DNAH2: variants seen among roughly 807,000 people sequenced by gnomAD.
DNAH2 encodes dynein axonemal heavy chain 2.
DNAH2 carries 323 observed loss-of-function variants against 523.5 expected under a neutral mutation model. The ratio of observed to expected loss-of-function variants is 0.62; its 90% CI spans 0.56 to 0.68. The LOEUF (loss-of-function observed/expected upper bound fraction) is 0.68. Among genes scored for constraint, DNAH2 ranks in the 30% least tolerant of loss-of-function variants. The pLI is 0.00. For missense variants in DNAH2, 4,907 were observed against 5,701.5 expected (o/e 0.86, Z 4.49); for synonymous variants, 2,093 against 2,177.4 (o/e 0.96, Z 1.08).
chr17:7,826,088 C>A (rs1341655604), intron 77 of DNAH2, among the ~76,000 whole-genome samples: 2 of 152,240 alleles, frequency 1.3e-5, no homozygotes, highest in Non-Finnish European at 2.9e-5. Flanking sequence ...TGCGCTGTTA[C>A]ACTGCAGCCT....
intron 57 of DNAH2, 50 bp downstream of exon 57, chr17:7,801,760 C>T: frequency 6.2e-7 from 1 of 1,611,820 alleles, no homozygotes; most frequent in Non-Finnish European, 8.5e-7. Flanking sequence ...TCCCTCTCCC[C>T]CGCCTCTCAT....
chr17:7,829,464 C>T (rs2078108652), intron 77 of DNAH2, among the ~76,000 whole-genome samples: 1 of 152,170 alleles, frequency 6.6e-6, no homozygotes, highest in South Asian at 2.1e-4. Context: ...GAAAGTAAGA[C>T]TCTCCTCTCA....
chr17:7,741,293 TCTTCCTTCCTTC>T (rs770097953), intron 11 of DNAH2, among the ~76,000 whole-genome samples: 1 of 61,550 alleles, frequency 1.6e-5, no homozygotes, highest in African/African-American at 7.7e-5. Context: ...TTTCTTTCTT[TCTTCCTTCCTTC>T]CCTCCCTCCC....
At chr17:7,802,451 C>T (rs1471672105) in intron 58 of DNAH2, among the ~76,000 whole-genome samples, 6 of 152,274 alleles carry the variant, frequency 3.9e-5, no homozygotes, top group African/African-American at 1.4e-4. Flanking sequence ...CCCACGGATA[C>T]CAAAATCCAC....
At position 7,804,302 on chromosome 17, in the gene DNAH2, C is replaced by G; in HGVS notation, c.9019C>G (p.Leu3007Val). 1 of 1,614,186 alleles carries G rather than the reference C, an allele frequency of 6.2e-7. No homozygotes were observed. The highest frequency in any genetic ancestry group is 2.2e-5 in the East Asian group (1 of 44,876). Residue 3007 changes from leucine to valine, a missense_variant, in exon 59 of 86, where the codon CTG becomes GTG. By Grantham distance (32) the Leu-to-Val change is conservative (BLOSUM62 1). Transcript: ENST00000572933. ...RQELLAQANK[L>V]RTGLFKIDET... ...GGAGCTGCTGGCCCAAGCCAATAAA[C>G]TGCGGACAGGCTTGTTCAAGATCGA... is the stretch of plus-strand genomic sequence containing the variant.
intron 7 of DNAH2, among the ~76,000 whole-genome samples, chr17:7,735,587 C>T (rs1383609211): frequency 1.3e-5 from 2 of 151,546 alleles, no homozygotes; most frequent in Non-Finnish European, 1.5e-5. Context: ...TACAGGTGTG[C>T]ACCAGCATGC....
rs1303990851 is a variant in DNAH2, at chr17:7,818,311, G to C, written c.10388-1G>C. ...TGCCCCTGACCCTTCCGTGGATGCA[G>C]GTGGTCGGCTGTTGATGCGCATTGG... is the stretch of plus-strand genomic sequence containing the variant. On this transcript the variant is annotated splice_acceptor_variant, in intron 68 of 85. Transcript: ENST00000572933. LOFTEE classifies it high-confidence loss of function. The C allele has an allele frequency of 1.2e-6, 2 of 1,613,926 alleles. No individual in the cohort carries two copies.
chr17:7,774,694 G>A (rs1372650560), intron 28 of DNAH2, 65 bp from the exon 29 acceptor site: 4 of 1,436,564 alleles, frequency 2.8e-6, no homozygotes, highest in African/African-American at 1.4e-5. Flanking sequence ...CACAGAGTTG[G>A]GGCATCCAGA....
chr17:7,778,772 T>G (rs577763050), intron 35 of DNAH2, among the ~76,000 whole-genome samples: 1 of 152,032 alleles, frequency 6.6e-6, no homozygotes, highest in East Asian at 1.9e-4. Context: ...TTTCACCATC[T>G]TGGCCAGGCT....
rs755276762 is a variant in DNAH2 at position 7,771,366 on chromosome 17, C to T, written c.4399C>T (p.Pro1467Ser). The T allele has an allele frequency of 3.6e-5, 58 of 1,614,000 alleles. No homozygotes were observed. Among genetic ancestry groups the T allele is most frequent in the Non-Finnish European group, 4.7e-5 (55 of 1,180,040 alleles). ...AGGAGAAGACATCCGCAAGCAGCTGCCCAATGAATCGACCTTATTTGACCA... is the reference window on the plus strand; with the variant it reads ...AGGAGAAGACATCCGCAAGCAGCTGTCCAATGAATCGACCTTATTTGACCA... The part of the protein sequence containing the change: ...FLGEDIRKQL[P>S]NESTLFDQVN... Residue 1467 changes from proline to serine, a missense_variant, in exon 28 of 86, where the codon CCC (proline) becomes TCC (serine). This residue lies in a region of DNAH2 where 2,806 missense variants were observed against 3,190.8 expected (regional missense o/e 0.88). Coordinates refer to ENST00000572933, the MANE Select transcript of DNAH2 (RefSeq NM_020877.5).
rs952326581 is a variant in DNAH2, at chr17:7,740,068, G to GA, written c.1376+130_1376+131insA. 9 of 775,358 alleles carry GA rather than the reference G, an allele frequency of 1.2e-5. 1 individual carries two copies. Among genetic ancestry groups the GA allele is most frequent in the East Asian group, 4.5e-5 (1 of 22,348 alleles). 48.0% of individuals were successfully genotyped at this position (775,358 alleles called of 1,614,324 possible). On this transcript the variant is annotated intron_variant, in intron 9 of 85. Transcript: ENST00000572933. ...AGATCGGGATCAGGGCGGTGGCCCG[G>GA]GGGGGGGGACAGGAGAGAGTGCAGG...
chr17:7,768,356 T>C, intron 24 of DNAH2, 89 bp downstream of exon 24: 1 of 1,273,788 alleles, frequency 7.9e-7, no homozygotes, highest in Non-Finnish European at 1.1e-6. Flanking sequence ...CTCCGCAGTG[T>C]TCACAGCCCT....
At position 7,758,874 on chromosome 17, in the gene DNAH2, C is replaced by T. The variant is rs2075921661; in HGVS notation, c.2209-11C>T. On this transcript the variant is annotated splice_polypyrimidine_tract_variant and intron_variant, in intron 14 of 85. Coordinates refer to ENST00000572933, the MANE Select transcript of DNAH2 (RefSeq NM_020877.5). ...GAGCTGAAACTCCCCCATGACGGGG[C>T]CTGACTCTAGGTGCAGATGATTGTG... The T allele has an allele frequency of 6.2e-7, 1 of 1,612,802 alleles. No individual in the cohort carries two copies. Among genetic ancestry groups the T allele is most frequent in the African/African-American group, 1.3e-5 (1 of 74,936 alleles).
Position 7,757,231 on chromosome 17 carries a change from A to T in DNAH2, c.2045A>T (p.Tyr682Phe). 6.2e-7 allele frequency: 1 copy of T among 1,614,090 alleles called. No homozygotes were observed. Among genetic ancestry groups the T allele is most frequent in the East Asian group, 2.2e-5 (1 of 44,866 alleles). Residue 682 changes from tyrosine (Y) to phenylalanine (F), a missense_variant, in exon 13 of 86, where the codon TAC becomes TTC. Tyr to Phe is a conservative substitution (Grantham distance 22, BLOSUM62 3). Transcript: ENST00000572933. ...AATCTGCTACTCGTTGCTAGAGACT[A>T]CAATAGGTAGGGCTTCAGTCCTCAC... ...RENLLLVARD[Y>F]NRIIAMLSPD... is the part of the protein sequence containing the mutation.
chr17:7,727,172 G>A lies in DNAH2; in HGVS notation c.279G>A (p.Val93=). 6.2e-7 allele frequency: 1 copy of A among 1,604,780 alleles called. No homozygotes were observed. The highest frequency in any genetic ancestry group is 8.5e-7 in the Non-Finnish European group (1 of 1,176,628). ...CGCTGACAGGACTGGCGGATGCAGT[G>A]TGGACACAGGAGCATGATGCCATTC... ...RAALTGLADA[V]WTQEHDAILE... The change falls in exon 4 of 86, where the codon GTG becomes GTA. Residue 93 remains valine (V), a synonymous_variant. Coordinates refer to ENST00000572933, the MANE Select transcript of DNAH2 (RefSeq NM_020877.5).
chr17:7,823,742 C>A, intron 74 of DNAH2, 92 bp from the exon 75 acceptor site: 2 of 1,579,524 alleles, frequency 1.3e-6, no homozygotes, highest in Non-Finnish European at 1.7e-6. Context: ...CCTCCTGGCC[C>A]GGAGCACATT....
chr17:7,807,089 C>T lies in DNAH2; in HGVS notation c.9443-61C>T. The stretch of plus-strand genomic sequence containing the variant: ...CTATGCGTGAGTAGTGGAGGTGAAA[C>T]TGCTGGACAAGGAGGATGGCATTAA... On this transcript the variant is annotated intron_variant, in intron 61 of 85. Coordinates refer to ENST00000572933, the MANE Select transcript of DNAH2 (RefSeq NM_020877.5). The surrounding 1 kb of genome is among the most constrained non-coding windows in gnomAD (Gnocchi z 5.6). 1 of 1,560,920 alleles carries T rather than the reference C, an allele frequency of 6.4e-7. No homozygotes were observed.
Position 7,754,873 on chromosome 17 carries a change from T to A in DNAH2, c.1905-2218T>A, listed in dbSNP as rs1411550731. 2 of 629,486 alleles carry A rather than the reference T, an allele frequency of 3.2e-6. No homozygotes were observed. The highest frequency in any genetic ancestry group is 2.6e-5 in the East Asian group (1 of 39,016). The allele number at this position is 629,486 out of a possible 1,614,324, so 39.0% of individuals were successfully genotyped here. A position where few individuals can be genotyped will look rare whatever the true frequency, so the allele number is the denominator to read the frequency against. ...GAGTAGATATCTCTGTCTGCCAACG[T>A]GAGGACAGAAGGACAGGTGCCACCC... On this transcript the variant is annotated intron_variant, in intron 12 of 85. Transcript: ENST00000572933. This position sits in a 1 kb window ranked among gnomAD's most constrained non-coding sequence, Gnocchi z 4.6.
At chr17:7,766,238 C>CA in intron 21 of DNAH2, 80 bp from the exon 22 acceptor site, 1 of 1,487,956 alleles carries the variant, frequency 6.7e-7, no homozygotes, top group Non-Finnish European at 9.2e-7. Flanking sequence ...GTGAGATTTG[C>CA]CCACAAAGAG....
Sources: allele counts gnomAD v4.1 joint callset (sites outside exome capture counted in the v4.1 genomes callset), GRCh38; gene constraint gnomAD v4.1.1; regional missense constraint gnomAD v4.1.1; non-coding constraint Gnocchi (gnomAD v3.1); transcripts MANE v1.5; gene names NCBI Gene and HGNC (gene_info 2026-07-23, HGNC 2026-07-21).